Variants in KCNQ5 observed in about 807,000 individuals in gnomAD.
KCNQ5 encodes potassium voltage-gated channel subfamily KQT member 5.
KCNQ5 carries 30 observed loss-of-function variants against 98.2 expected under a neutral mutation model. The ratio of observed to expected loss-of-function variants is 0.31; its 90% confidence interval spans 0.23 to 0.41. The LOEUF (loss-of-function observed/expected upper bound fraction) is 0.41, where lower values mean the gene tolerates loss of function less well. Ranked by LOEUF, KCNQ5 falls within the 10% of genes least tolerant of loss-of-function variation. KCNQ5 has a pLI of 1.00. For synonymous variants in KCNQ5, 458 were observed against 449.4 expected (o/e 1.02, Z -0.24); for missense variants, 835 against 1,182.5 (o/e 0.71, Z 4.31).
intron 10 of KCNQ5, among the ~76,000 whole-genome samples, chr6:73,140,034 T>C (rs1028143691): frequency 8.5e-5 from 13 of 152,178 alleles, no homozygotes; most frequent in African/African-American, 3.1e-4. Flanking sequence ...GGCCCACCAG[T>C]CTACCACAAC....
At chr6:72,794,250 G>A (rs969749976) in intron 1 of KCNQ5, among the ~76,000 whole-genome samples, 3 of 152,028 alleles carry the variant, frequency 2.0e-5, no homozygotes, top group African/African-American at 7.2e-5. Flanking sequence ...TTTAGCTATG[G>A]GGTTGTCTCA....
In KCNQ5 at chr6:73,190,555, T is replaced by C; in HGVS notation, c.1578-18T>C. On this transcript the variant is annotated intron_variant, in intron 11 of 13. Transcript: ENST00000370398. ...TAACAGAGTTATAAAGATTAATATG[T>C]AATATGTTCTCATACAGAATTATGA... The C allele has an allele frequency of 7.5e-7, 1 of 1,333,638 alleles. No individual in the cohort carries two copies. The allele number at this position is 1,333,638 out of a possible 1,614,324, so 82.6% of individuals were successfully genotyped here.
Position 72,622,428 on chromosome 6 carries a change from G to C in KCNQ5, c.239G>C (p.Arg80Pro). The stretch of plus-strand genomic sequence containing the variant: ...GGCGGTGGCCTGAGGGAGAGCCGCC[G>C]GGGCAAGCAGGGGGCCCGGATGAGC... ...GGGGGLRESRRGKQGARMSLL... is the reference protein window; with the variant it reads ...GGGGGLRESRPGKQGARMSLL... Residue 80 changes from arginine (R) to proline (P), a missense_variant, in exon 1 of 14, where the codon CGG (arginine) becomes CCG (proline). Physicochemically the swap from Arg to Pro is moderately radical, Grantham distance 103. This residue lies in a region of KCNQ5 where 54 missense variants were observed against 51.5 expected (regional missense o/e 1.05). Coordinates refer to ENST00000370398, the MANE Select transcript of KCNQ5 (RefSeq NM_019842.4). The surrounding 1 kb of genome is among the most constrained non-coding windows in gnomAD (Gnocchi z 6.0). The C allele has an allele frequency of 1.3e-6, 2 of 1,544,086 alleles. No homozygotes were observed. The highest frequency in any genetic ancestry group is 1.2e-5 in the South Asian group (1 of 83,796).
At chr6:72,817,360 T>G (rs183549768) in intron 1 of KCNQ5, among the ~76,000 whole-genome samples, 1 of 152,294 alleles carries the variant, frequency 6.6e-6, no homozygotes, top group Admixed American at 6.5e-5. Context: ...TTGAATGCCT[T>G]AAACCAAATA....
At chr6:72,836,718 C>G (rs537941121) in intron 1 of KCNQ5, among the ~76,000 whole-genome samples, 1 of 152,070 alleles carries the variant, frequency 6.6e-6, no homozygotes, top group Admixed American at 6.6e-5. Context: ...TATGTAAACA[C>G]TTTGATATAT....
intron 1 of KCNQ5, among the ~76,000 whole-genome samples, chr6:72,675,451 T>C (rs1767360919): frequency 6.6e-6 from 1 of 152,226 alleles, no homozygotes; most frequent in African/African-American, 2.4e-5. Context: ...CTGAATTCTA[T>C]TGTGGAAAAC....
chr6:72,852,640 A>AATAAATAAATAAATAAATATAT (rs1026407821), intron 1 of KCNQ5, among the ~76,000 whole-genome samples: 2 of 56,802 alleles, frequency 3.5e-5, no homozygotes, highest in African/African-American at 8.9e-5. Flanking sequence ...ATGAAGGGGA[A>AATAAATAAATAAATAAATATAT]ATATATATAT....
At chr6:72,929,470 A>G (rs988763356) in intron 1 of KCNQ5, among the ~76,000 whole-genome samples, 8 of 152,142 alleles carry the variant, frequency 5.3e-5, no homozygotes, top group Admixed American at 6.6e-5. Context: ...TCCTAAATAT[A>G]TTAATTAAGA....
intron 1 of KCNQ5, among the ~76,000 whole-genome samples, chr6:72,798,012 C>T (rs917488862): frequency 6.6e-6 from 1 of 151,962 alleles, no homozygotes; most frequent in African/African-American, 2.4e-5. Flanking sequence ...GAATTTATGG[C>T]CTAGAATGTA....
At position 73,092,219 on chromosome 6, in the gene KCNQ5, T is replaced by A. The variant is rs554769860; in HGVS notation, c.919-13038T>A. ...TATAGAAGAGATACTGATTTGTGTA[T>A]GTGAATTTTATATCCAGAAAGTTTG... On this transcript the variant is annotated intron_variant, in intron 5 of 13. Transcript: ENST00000370398. Among the ~76,000 whole-genome samples the A allele has an allele frequency of 2.6e-5, 4 of 152,232 alleles. No individual in the cohort carries two copies. In the East Asian group the frequency reaches 7.7e-4, roughly 29 times the overall value.
chr6:72,627,226 C>G (rs1318924003), intron 1 of KCNQ5, among the ~76,000 whole-genome samples: 1 of 152,112 alleles, frequency 6.6e-6, no homozygotes, highest in Non-Finnish European at 1.5e-5. Flanking sequence ...TTGAAAGCCT[C>G]TGTCAGTTTT....
intron 5 of KCNQ5, among the ~76,000 whole-genome samples, chr6:73,093,220 T>A (rs767555425): frequency 6.6e-6 from 1 of 152,198 alleles, no homozygotes; most frequent in Non-Finnish European, 1.5e-5. Flanking sequence ...CCTTGAATGA[T>A]CTTTTGTATT....
intron 1 of KCNQ5, among the ~76,000 whole-genome samples, chr6:72,743,750 G>C (rs118151284): frequency 0.021 from 3,236 of 152,254 alleles, 56 homozygotes; most frequent in Non-Finnish European, 0.033. Flanking sequence ...TCTCTTTGAC[G>C]AACTGCGGAC....
chr6:72,917,528 A>G (rs1780204995), intron 1 of KCNQ5, among the ~76,000 whole-genome samples: 1 of 151,496 alleles, frequency 6.6e-6, no homozygotes, highest in Admixed American at 6.6e-5. Context: ...GCTGGAGTGC[A>G]GTGGCATGAT....
chr6:72,759,582 A>C (rs1772148255), intron 1 of KCNQ5, among the ~76,000 whole-genome samples: 2 of 152,122 alleles, frequency 1.3e-5, no homozygotes, highest in African/African-American at 4.8e-5. Flanking sequence ...CCTTGTGAGT[A>C]GATGACCATG....
intron 1 of KCNQ5, among the ~76,000 whole-genome samples, chr6:72,763,646 A>G (rs17741346): frequency 0.013 from 1,987 of 152,128 alleles, 30 homozygotes; most frequent in South Asian, 0.064. Flanking sequence ...TGAGGCTTCT[A>G]TTGTAATTTC....
rs146923870 is a variant in KCNQ5 at position 72,979,709 on chromosome 6, G to A, written c.399-24199G>A. Among the ~76,000 whole-genome samples, 570 of 152,328 alleles carry A rather than the reference G, an allele frequency of 3.7e-3. 1 individual carries two copies. The highest frequency in any genetic ancestry group is 0.013 in the African/African-American group (539 of 41,564). On this transcript the variant is annotated intron_variant, in intron 1 of 13. Transcript: ENST00000370398. ...ATTCCATTTGTCAATTTTGGCTTCT[G>A]TTGCCATTGCTTTTGATGTTTTAGT... is the stretch of plus-strand genomic sequence containing the variant.
At chr6:72,719,396 G>A (rs565712493) in intron 1 of KCNQ5, among the ~76,000 whole-genome samples, 1 of 152,166 alleles carries the variant, frequency 6.6e-6, no homozygotes, top group Admixed American at 6.5e-5. Context: ...ACATCCCAAT[G>A]TTCTTAAGTA....
At chr6:73,097,678 G>A (rs973265367) in intron 5 of KCNQ5, among the ~76,000 whole-genome samples, 8 of 152,106 alleles carry the variant, frequency 5.3e-5, no homozygotes, top group African/African-American at 9.7e-5. Flanking sequence ...AGAGAGACTC[G>A]TTTGTTTGGG....
Sources: allele counts gnomAD v4.1 joint callset (sites outside exome capture counted in the v4.1 genomes callset), GRCh38; gene constraint gnomAD v4.1.1; regional missense constraint gnomAD v4.1.1; non-coding constraint Gnocchi (gnomAD v3.1); transcripts MANE v1.5; gene names NCBI Gene and HGNC (gene_info 2026-07-23, HGNC 2026-07-21).